The following CCDC171 variants were observed in gnomAD, a reference collection of about 807,000 sequenced individuals.
The protein encoded by CCDC171 is coiled-coil domain containing 171, also known as coiled-coil domain-containing protein 171.
A neutral mutation model predicts 168.2 loss-of-function variants in CCDC171; 177 were observed. The observed-to-expected ratio is 1.05, with a 90% CI of 0.93 to 1.19. CCDC171 has a LOEUF of 1.19. Ranked by LOEUF, CCDC171 falls within the 50% of genes most tolerant of loss-of-function variation. CCDC171 has a pLI of 0.00. For synonymous variants in CCDC171, 687 were observed against 540.8 expected, an observed-to-expected ratio of 1.27 and a Z score of -3.75; for missense variants, 1,991 against 1,539.0, an observed-to-expected ratio of 1.29 and a Z score of -4.91.
At chr9:15,703,026 C>A (rs896644922) in intron 11 of CCDC171, among the ~76,000 whole-genome samples, 1 of 152,090 alleles carries the variant, frequency 6.6e-6, no homozygotes, top group Non-Finnish European at 1.5e-5. Context: ...GCCTCAGCCA[C>A]CTGAGTAGCT....
intron 24 of CCDC171, among the ~76,000 whole-genome samples, chr9:15,887,361 C>T (rs563530094): frequency 6.6e-6 from 1 of 152,126 alleles, no homozygotes; most frequent in South Asian, 2.1e-4. Flanking sequence ...TTGGAGCCTT[C>T]TAGTAACAGT....
intron 16 of CCDC171, among the ~76,000 whole-genome samples, chr9:15,740,969 A>G (rs2054838566): frequency 6.6e-6 from 1 of 152,142 alleles, no homozygotes; most frequent in Non-Finnish European, 1.5e-5. Flanking sequence ...CCATATTTAA[A>G]ACTTTTCCTC....
intron 17 of CCDC171, among the ~76,000 whole-genome samples, chr9:15,745,002 A>G (rs2055170822): frequency 6.6e-6 from 1 of 152,192 alleles, no homozygotes; most frequent in South Asian, 2.1e-4. Context: ...GGTGGCAAAT[A>G]TATATAATTT....
At chr9:15,875,361 T>C (rs1023445569) in intron 24 of CCDC171, 1 of 152,036 alleles carries the variant, frequency 6.6e-6, no homozygotes, top group African/African-American at 2.4e-5. Context: ...TTCTATTTTA[T>C]GTCACTATTG....
At chr9:15,698,371 A>T (rs1276699874) in intron 11 of CCDC171, among the ~76,000 whole-genome samples, 1 of 152,082 alleles carries the variant, frequency 6.6e-6, no homozygotes, top group Non-Finnish European at 1.5e-5. Context: ...AATACAAAAA[A>T]TTAGCCAGGC....
intron 6 of CCDC171, among the ~76,000 whole-genome samples, chr9:15,603,962 G>A (rs931299528): frequency 6.6e-6 from 1 of 151,920 alleles, no homozygotes; most frequent in African/African-American, 2.4e-5. Context: ...GCCTGAGATG[G>A]TATCTCATTG....
chr9:15,705,991 C>A (rs2052188675), intron 11 of CCDC171, among the ~76,000 whole-genome samples: 1 of 152,132 alleles, frequency 6.6e-6, no homozygotes, highest in Non-Finnish European at 1.5e-5. Context: ...TAAGGAGTCA[C>A]CAGAAAGATT....
At position 15,909,964 on chromosome 9, in the gene CCDC171, C is replaced by A. The variant is rs572694277; in HGVS notation, c.3601-10306C>A. 1.2e-4 allele frequency among the ~76,000 whole-genome samples: 18 copies of A among 152,186 alleles called. No individual in the cohort carries two copies. The East Asian group carries it at 3.5e-3, about 29-fold the overall frequency. ...CATCATATCCTGACCACCCTCTCAC[C>A]TTTTGTAATCTCCAATATCTGTTAT... On this transcript the variant is annotated intron_variant, in intron 24 of 25. Coordinates refer to ENST00000380701, the MANE Select transcript of CCDC171 (RefSeq NM_173550.4).
intron 17 of CCDC171, 152 bp downstream of exon 17, chr9:15,744,929 A>C (rs868326834): frequency 1.3e-6 from 1 of 761,014 alleles, no homozygotes; most frequent in Non-Finnish European, 2.0e-6. Context: ...GTGTGTATGG[A>C]TAAGTGAATA....
At chr9:15,683,606 C>T (rs1174696181) in intron 10 of CCDC171, among the ~76,000 whole-genome samples, 3 of 151,928 alleles carry the variant, frequency 2.0e-5, no homozygotes, top group African/African-American at 7.2e-5. Flanking sequence ...TAATATTCAT[C>T]GCGTAAGTGT....
chr9:15,980,842 A>G (rs1241800218), intron 3 of CCDC171, among the ~76,000 whole-genome samples: 4 of 127,700 alleles, frequency 3.1e-5, no homozygotes, highest in African/African-American at 1.2e-4. Flanking sequence ...AGAAACCTGT[A>G]TTAGTCCGTT....
chr9:15,814,535 T>TA (rs1299087305), intron 21 of CCDC171, among the ~76,000 whole-genome samples: 1 of 152,190 alleles, frequency 6.6e-6, no homozygotes, highest in Non-Finnish European at 1.5e-5. Flanking sequence ...GCTCTCTGCT[T>TA]ACTAAGTTTG....
At chr9:15,978,207 C>T (rs1377142683), downstream of CCDC171, among the ~76,000 whole-genome samples, 2 of 152,112 alleles carry the variant, frequency 1.3e-5, no homozygotes, top group Non-Finnish European at 2.9e-5. Flanking sequence ...ACAGAAGCAC[C>T]ACTTCGGTTT....
intron 8 of CCDC171, 185 bp downstream of exon 8, chr9:15,657,404 G>C (rs555574860): frequency 3.7e-5 from 16 of 437,672 alleles, no homozygotes; most frequent in Admixed American, 2.1e-4. Flanking sequence ...GGAGGAGTTG[G>C]CACACTATAG....
chr9:15,646,398 A>C (rs2047040189), intron 7 of CCDC171, among the ~76,000 whole-genome samples: 1 of 152,328 alleles, frequency 6.6e-6, no homozygotes, highest in Non-Finnish European at 1.5e-5. Flanking sequence ...TTCACACATA[A>C]CAATATTAAC....
chr9:15,803,146 A>G (rs1330097204), intron 21 of CCDC171, among the ~76,000 whole-genome samples: 1 of 152,146 alleles, frequency 6.6e-6, no homozygotes, highest in Non-Finnish European at 1.5e-5. Flanking sequence ...TTCCTTATAA[A>G]TGCTGGATAT....
At chr9:15,732,319 G>A (rs890729879) in intron 16 of CCDC171, among the ~76,000 whole-genome samples, 2 of 151,960 alleles carry the variant, frequency 1.3e-5, no homozygotes, top group Non-Finnish European at 2.9e-5. Context: ...TAGCTTTTAC[G>A]TCTAAGTTTG....
chr9:15,654,706 A>C (rs762688724), intron 7 of CCDC171, among the ~76,000 whole-genome samples: 3 of 152,162 alleles, frequency 2.0e-5, no homozygotes, highest in Non-Finnish European at 2.9e-5. Flanking sequence ...GCTCCAGTCT[A>C]TAGCTCCCAG....
intron 8 of CCDC171, among the ~76,000 whole-genome samples, chr9:15,659,010 G>A (rs2048131491): frequency 6.6e-6 from 1 of 152,186 alleles, no homozygotes; most frequent in African/African-American, 2.4e-5. Flanking sequence ...AAGGTTTGCA[G>A]TATGTGTGAA....
Sources: allele counts gnomAD v4.1 joint callset (sites outside exome capture counted in the v4.1 genomes callset), GRCh38; gene constraint gnomAD v4.1.1; transcripts MANE v1.5; gene names NCBI Gene and HGNC (gene_info 2026-07-23, HGNC 2026-07-21).